The following TMEM132D variants were observed in gnomAD, a reference collection of about 807,000 sequenced individuals.
The protein encoded by TMEM132D is mature OL transmembrane protein.
A neutral mutation model predicts 62.3 loss-of-function variants in TMEM132D; 21 were observed. That is an observed-to-expected ratio of 0.34 (90% CI 0.24 to 0.49). The LOEUF is 0.49. Ranked by LOEUF, TMEM132D falls within the 20% of genes least tolerant of loss-of-function variation. The pLI, the probability that TMEM132D is intolerant of heterozygous loss-of-function variation, is 0.99. For missense variants in TMEM132D, 1,346 were observed against 1,402.8 expected, an observed-to-expected ratio of 0.96 and a Z score of 0.65; for synonymous variants, 621 against 575.6, an observed-to-expected ratio of 1.08 and a Z score of -1.13.
In TMEM132D at chr12:129,849,067, A is replaced by G. The variant is rs181130427; in HGVS notation, c.79+54194T>C. Among the ~76,000 whole-genome samples, 126 of 152,306 alleles carry G rather than the reference A, an allele frequency of 8.3e-4. 1 individual carries two copies. Among genetic ancestry groups the G allele is most frequent in the African/African-American group, 2.5e-3 (102 of 41,566 alleles). On this transcript the variant is annotated intron_variant, in intron 1 of 8. Transcript: ENST00000422113. ...GTAGGGGCTTAGTAATTAAGGAGAAATGTTCCAGAGAAAAACACATTCTAT... is the reference window on the plus strand; with the variant it reads ...GTAGGGGCTTAGTAATTAAGGAGAAGTGTTCCAGAGAAAAACACATTCTAT...
chr12:129,506,204 T>C (rs936757933), intron 3 of TMEM132D, among the ~76,000 whole-genome samples: 1 of 152,204 alleles, frequency 6.6e-6, no homozygotes, highest in Non-Finnish European at 1.5e-5. Flanking sequence ...TAGCAGTTCT[T>C]GTAGTGCTGG....
intron 3 of TMEM132D, among the ~76,000 whole-genome samples, chr12:129,478,557 G>A (rs1874336798): frequency 6.6e-6 from 1 of 152,206 alleles, no homozygotes; most frequent in African/African-American, 2.4e-5. Flanking sequence ...ATCCAGCCAA[G>A]TATTTCATTT....
chr12:129,484,521 C>G (rs1874525811), intron 3 of TMEM132D, among the ~76,000 whole-genome samples: 1 of 152,194 alleles, frequency 6.6e-6, no homozygotes, highest in South Asian at 2.1e-4. Context: ...AGAAAAGTCA[C>G]CCAGCTCTCC....
intron 1 of TMEM132D, among the ~76,000 whole-genome samples, chr12:129,843,240 AC>A (rs927199359): frequency 2.0e-5 from 3 of 152,240 alleles, no homozygotes; most frequent in African/African-American, 7.2e-5. Context: ...AAATAAAAAA[AC>A]ATTTTAATAA....
chr12:129,424,907 C>A (rs1460272627), intron 3 of TMEM132D, among the ~76,000 whole-genome samples: 1 of 151,974 alleles, frequency 6.6e-6, no homozygotes, highest in Non-Finnish European at 1.5e-5. Context: ...GTTTTCATCA[C>A]CCTAGAAAGA....
intron 2 of TMEM132D, among the ~76,000 whole-genome samples, chr12:129,625,948 C>T (rs1879200546): frequency 6.6e-6 from 1 of 152,146 alleles, no homozygotes; most frequent in Admixed American, 6.5e-5. Context: ...GACTCTTCTT[C>T]AATTTAAGGT....
chr12:129,560,768 T>C (rs1280884803), intron 2 of TMEM132D, among the ~76,000 whole-genome samples: 1 of 152,214 alleles, frequency 6.6e-6, no homozygotes, highest in Non-Finnish European at 1.5e-5. Context: ...GGTGACAACC[T>C]TCTTCAGGGA....
intron 3 of TMEM132D, among the ~76,000 whole-genome samples, chr12:129,421,853 C>T (rs1872333971): frequency 6.6e-6 from 1 of 152,152 alleles, no homozygotes. Context: ...AATCTTTCCT[C>T]ATCTCAAATT....
intron 3 of TMEM132D, among the ~76,000 whole-genome samples, chr12:129,493,890 G>A (rs58366254): frequency 6.6e-6 from 1 of 152,202 alleles, no homozygotes; most frequent in African/African-American, 2.4e-5. Context: ...AAGAAATTGA[G>A]AAAGAGAGAA....
chr12:129,471,411 C>G (rs994253582), intron 3 of TMEM132D, among the ~76,000 whole-genome samples: 7 of 152,084 alleles, frequency 4.6e-5, no homozygotes, highest in African/African-American at 1.7e-4. Context: ...TTTGGGGGCA[C>G]TATGAACTGT....
intron 4 of TMEM132D, among the ~76,000 whole-genome samples, chr12:129,279,668 C>T (rs750085130): frequency 1.3e-5 from 2 of 151,998 alleles, no homozygotes; most frequent in African/African-American, 2.4e-5. Flanking sequence ...TCCCACCATC[C>T]TCAAATGTGG....
intron 4 of TMEM132D, among the ~76,000 whole-genome samples, chr12:129,321,537 G>T (rs1868705092): frequency 6.6e-6 from 1 of 151,894 alleles, no homozygotes; most frequent in Non-Finnish European, 1.5e-5. Context: ...CACGCCTCAG[G>T]ACCATGGCAT....
intron 1 of TMEM132D, among the ~76,000 whole-genome samples, chr12:129,886,036 T>A (rs1263693154): frequency 1.3e-5 from 2 of 152,210 alleles, no homozygotes; most frequent in African/African-American, 4.8e-5. Flanking sequence ...CTTTTTAAAG[T>A]TTCTCCTCAC....
At chr12:129,388,143 CA>C (rs1185650813) in intron 3 of TMEM132D, among the ~76,000 whole-genome samples, 1 of 128,270 alleles carries the variant, frequency 7.8e-6, no homozygotes, top group Non-Finnish European at 1.7e-5. Context: ...TGAACACTAA[CA>C]TGAGTCCTAA....
At position 129,724,812 on chromosome 12, in the gene TMEM132D, C is replaced by A. The variant is rs146544037; in HGVS notation, c.80-24114G>T. Among the ~76,000 whole-genome samples, 1,157 of 152,268 alleles carry A rather than the reference C, an allele frequency of 7.6e-3. 19 individuals are homozygous for A. Among genetic ancestry groups the A allele is most frequent in the African/African-American group, 0.026 (1,096 of 41,524 alleles). Reference sequence around the variant, plus strand: ...TGCTGGGATTACAGGCATGAGCCACCGTGCCTGGCCTTGTGCTGTTTTAAG... The same window carrying A: ...TGCTGGGATTACAGGCATGAGCCACAGTGCCTGGCCTTGTGCTGTTTTAAG... On this transcript the variant is annotated intron_variant, in intron 1 of 8. Transcript: ENST00000422113.
chr12:129,317,663 T>G (rs1466280877), intron 4 of TMEM132D, among the ~76,000 whole-genome samples: 1 of 152,230 alleles, frequency 6.6e-6, no homozygotes, highest in Non-Finnish European at 1.5e-5. Flanking sequence ...GTGTTTTTTA[T>G]GCTTCTCGTA....
At chr12:129,338,931 G>A (rs1869376928) in intron 3 of TMEM132D, among the ~76,000 whole-genome samples, 1 of 151,988 alleles carries the variant, frequency 6.6e-6, no homozygotes, top group Admixed American at 6.6e-5. Context: ...GAAGATCAGG[G>A]GAGATTCTAA....
At chr12:129,740,348 A>G (rs1253605226) in intron 1 of TMEM132D, among the ~76,000 whole-genome samples, 2 of 152,246 alleles carry the variant, frequency 1.3e-5, no homozygotes, top group Non-Finnish European at 2.9e-5. Flanking sequence ...AATTCATTCA[A>G]CAAACATTCA....
chr12:129,744,916 G>T (rs965015390), intron 1 of TMEM132D, among the ~76,000 whole-genome samples: 1 of 152,152 alleles, frequency 6.6e-6, no homozygotes, highest in Admixed American at 6.5e-5. Flanking sequence ...CACATGTCAA[G>T]GGAGAGACCA....
Sources: gnomAD v4.1 joint callset for allele counts (sites outside exome capture counted in the v4.1 genomes callset) on GRCh38, gnomAD v4.1.1 for gene constraint, MANE v1.5 for transcripts, NCBI Gene and HGNC (gene_info 2026-07-23, HGNC 2026-07-21) for gene names.